Variants in TTC29 observed in about 807,000 individuals in gnomAD.
The protein encoded by TTC29 is tetratricopeptide repeat protein 29.
A neutral mutation model predicts 58.1 loss-of-function variants in TTC29; 49 were observed. The ratio of observed to expected loss-of-function variants is 0.84; its 90% CI spans 0.67 to 1.07. TTC29 has a LOEUF of 1.07. TTC29 is among the 50% of genes least tolerant of loss of function. The pLI, the probability that TTC29 is intolerant of heterozygous loss-of-function variation, is 0.00. For missense variants in TTC29, 582 were observed against 555.6 expected (o/e 1.05, Z -0.48); for synonymous variants, 209 against 196.8 (o/e 1.06, Z -0.52).
At chr4:146,763,085 C>T (rs549142353) in intron 11 of TTC29, among the ~76,000 whole-genome samples, 22 of 152,102 alleles carry the variant, frequency 1.4e-4, no homozygotes, top group South Asian at 4.1e-4. Context: ...GAACTTCTCT[C>T]ACCTCTCTTT....
At chr4:146,925,197 A>G (rs1053871566) in intron 4 of TTC29, among the ~76,000 whole-genome samples, 1 of 152,088 alleles carries the variant, frequency 6.6e-6, no homozygotes, top group Non-Finnish European at 1.5e-5. Flanking sequence ...TTGGTGGAAT[A>G]TTCTGTAAGT....
chr4:146,823,322 G>A (rs1751968013), intron 9 of TTC29, among the ~76,000 whole-genome samples: 1 of 152,140 alleles, frequency 6.6e-6, no homozygotes, highest in South Asian at 2.1e-4. Context: ...TTCTGCATAT[G>A]GCTAGCCAGT....
intron 11 of TTC29, among the ~76,000 whole-genome samples, chr4:146,785,030 G>T (rs1459887122): frequency 2.0e-5 from 3 of 152,054 alleles, no homozygotes; most frequent in Non-Finnish European, 2.9e-5. Context: ...TTGTTCCTAC[G>T]CAAAATGACC....
intron 10 of TTC29, among the ~76,000 whole-genome samples, chr4:146,816,897 A>C (rs1267764841): frequency 6.6e-6 from 1 of 152,202 alleles, no homozygotes; most frequent in Non-Finnish European, 1.5e-5. Context: ...AGAATACTGT[A>C]GTGGTTAGGA....
intron 11 of TTC29, among the ~76,000 whole-genome samples, chr4:146,721,974 A>G (rs1323915328): frequency 6.6e-6 from 1 of 152,208 alleles, no homozygotes; most frequent in Non-Finnish European, 1.5e-5. Context: ...TTCAGGATAC[A>G]AAATCAATGT....
chr4:146,735,728 G>A (rs1309599885), intron 11 of TTC29, among the ~76,000 whole-genome samples: 1 of 152,180 alleles, frequency 6.6e-6, no homozygotes, highest in East Asian at 1.9e-4. Flanking sequence ...GGTAAATGTT[G>A]TGGTTAAGAG....
intron 11 of TTC29, among the ~76,000 whole-genome samples, chr4:146,802,269 A>G (rs1750285100): frequency 6.6e-6 from 1 of 152,196 alleles, no homozygotes; most frequent in African/African-American, 2.4e-5. Flanking sequence ...TGAAGGATAC[A>G]TAACTCAAAA....
chr4:146,923,508 TA>T (rs35818884), intron 4 of TTC29, among the ~76,000 whole-genome samples: 21 of 151,280 alleles, frequency 1.4e-4, no homozygotes, highest in Non-Finnish European at 2.5e-4. Context: ...AAATAGAAAC[TA>T]AAAAAAAGTT....
chr4:146,875,241 T>G (rs1731181593), intron 6 of TTC29, among the ~76,000 whole-genome samples: 1 of 152,190 alleles, frequency 6.6e-6, no homozygotes, highest in South Asian at 2.1e-4. Context: ...TGGCTAATAT[T>G]TCTTTAACAT....
chr4:146,841,460 A>G (rs911181459), intron 8 of TTC29, among the ~76,000 whole-genome samples: 11 of 152,136 alleles, frequency 7.2e-5, no homozygotes, highest in African/African-American at 1.9e-4. Flanking sequence ...AAAAAAACAA[A>G]CAAGCAAAAA....
At chr4:146,713,332 A>C (rs1742665930) in intron 11 of TTC29, among the ~76,000 whole-genome samples, 1 of 151,210 alleles carries the variant, frequency 6.6e-6, no homozygotes, top group Non-Finnish European at 1.5e-5. Context: ...TTGGTTTGTC[A>C]TTCATGCATT....
intron 8 of TTC29, among the ~76,000 whole-genome samples, chr4:146,851,509 CT>C (rs1729515073): frequency 6.6e-6 from 1 of 152,164 alleles, no homozygotes; most frequent in African/African-American, 2.4e-5. Flanking sequence ...AGCATCTCCC[CT>C]ACCAGATCTT....
intron 5 of TTC29, among the ~76,000 whole-genome samples, chr4:146,905,723 A>G (rs1733480157): frequency 6.6e-6 from 1 of 152,152 alleles, no homozygotes; most frequent in African/African-American, 2.4e-5. Context: ...TAAAAAGAAG[A>G]TTCTACAATA....
At chr4:146,802,909 G>C (rs370514115) in intron 11 of TTC29, among the ~76,000 whole-genome samples, 1 of 152,082 alleles carries the variant, frequency 6.6e-6, no homozygotes, top group South Asian at 2.1e-4. Context: ...CCTTCTAGTT[G>C]TTTGGTTTTA....
In TTC29 at chr4:146,909,219, A is replaced by G. The variant is rs759039004; in HGVS notation, c.207T>C (p.Cys69=). 3.1e-6 allele frequency: 5 copies of G among 1,613,350 alleles called. No individual in the cohort carries two copies. Among genetic ancestry groups the G allele is most frequent in the African/African-American group, 2.7e-5 (2 of 75,048 alleles). Residue 69 remains cysteine (C), a synonymous_variant, in exon 5 of 13, where the codon TGT becomes TGC. Coordinates refer to ENST00000325106, the MANE Select transcript of TTC29 (RefSeq NM_031956.4). ...GATAACCATCTCGCAGCATGTCCAC[A>G]CAGATATTCTTCTTGTAGGAGTTCC... ...AYRNSYKKNI[C]VDMLRDGYHK...
At chr4:146,743,739 C>T (rs1745335328) in intron 11 of TTC29, among the ~76,000 whole-genome samples, 1 of 152,162 alleles carries the variant, frequency 6.6e-6, no homozygotes, top group Non-Finnish European at 1.5e-5. Flanking sequence ...ATTTGTATGG[C>T]ACTTTAAATT....
chr4:146,884,373 A>C lies in TTC29; in HGVS notation c.587-9445T>G, dbSNP rs533325022. On this transcript the variant is annotated intron_variant, in intron 6 of 12. Coordinates refer to ENST00000325106, the MANE Select transcript of TTC29 (RefSeq NM_031956.4). ...AAGTGTGCATATAGTGGCAGTGGGA[A>C]GTAGTTAGCCTCTAAATCACACAGA... Among the ~76,000 whole-genome samples, 6 of 152,190 alleles carry C rather than the reference A, an allele frequency of 3.9e-5. No individual in the cohort carries two copies. In the South Asian group the frequency reaches 1.0e-3, roughly 26 times the overall value.
At chr4:146,763,424 T>G (rs1460229303) in intron 11 of TTC29, among the ~76,000 whole-genome samples, 2 of 152,020 alleles carry the variant, frequency 1.3e-5, no homozygotes, top group Non-Finnish European at 1.5e-5. Context: ...CACTGCATGG[T>G]GGTTATAGAT....
chr4:146,767,140 A>T (rs1747387537), intron 11 of TTC29, among the ~76,000 whole-genome samples: 1 of 151,906 alleles, frequency 6.6e-6, no homozygotes, highest in East Asian at 1.9e-4. Flanking sequence ...TAGTGCAAAG[A>T]TTTCATCCTA....
Sources: allele counts gnomAD v4.1 joint callset (sites outside exome capture counted in the v4.1 genomes callset), GRCh38; gene constraint gnomAD v4.1.1; transcripts MANE v1.5; gene names NCBI Gene and HGNC (gene_info 2026-07-23, HGNC 2026-07-21).